SKAP2: variants seen among roughly 807,000 people sequenced by gnomAD.
SKAP2 encodes the protein src kinase-associated phosphoprotein 2.
SKAP2 carries 28 observed loss-of-function variants against 54.9 expected under a neutral mutation model. That is an observed-to-expected ratio of 0.51 (90% CI 0.38 to 0.70). SKAP2 has a LOEUF of 0.70. Ranked by LOEUF, SKAP2 falls within the 30% of genes least tolerant of loss-of-function variation. The pLI is 0.00. For synonymous variants in SKAP2, 137 were observed against 134.3 expected (o/e 1.02, Z -0.14); for missense variants, 356 against 424.1 (o/e 0.84, Z 1.41).
chr7:26,840,900 G>A (rs73280748), intron 4 of SKAP2, among the ~76,000 whole-genome samples: 2,577 of 152,080 alleles, frequency 0.017, 87 homozygotes, highest in African/African-American at 0.057. Flanking sequence ...GTCTCAAAAT[G>A]TAGTTCTTCT....
chr7:26,664,188 C>T (rs1219763669), downstream of SKAP2, among the ~76,000 whole-genome samples: 1 of 152,160 alleles, frequency 6.6e-6, no homozygotes, highest in Admixed American at 6.6e-5. Flanking sequence ...AGGTAACTCA[C>T]TACCCTAAGG....
chr7:26,689,355 C>T (rs1029582555), intron 10 of SKAP2, among the ~76,000 whole-genome samples: 2 of 152,120 alleles, frequency 1.3e-5, no homozygotes, highest in Non-Finnish European at 2.9e-5. Context: ...TCTCTTCTTT[C>T]CGTGTAAAAT....
intron 1 of SKAP2, among the ~76,000 whole-genome samples, chr7:26,863,983 G>T (rs1255423575): frequency 6.6e-6 from 1 of 150,722 alleles, no homozygotes; most frequent in Non-Finnish European, 1.5e-5. Context: ...GCTCCCTTCT[G>T]CTTGCTCACG....
intron 4 of SKAP2, among the ~76,000 whole-genome samples, chr7:26,769,365 T>C (rs1319149487): frequency 6.6e-6 from 1 of 152,216 alleles, no homozygotes; most frequent in Non-Finnish European, 1.5e-5. Flanking sequence ...TAACCTTTTA[T>C]CAAGGTTCTC....
chr7:26,836,915 T>C (rs995788557), intron 4 of SKAP2, among the ~76,000 whole-genome samples: 4 of 152,194 alleles, frequency 2.6e-5, no homozygotes, highest in East Asian at 1.9e-4. Flanking sequence ...CTGTTCACAA[T>C]AGCAAAGACT....
intron 9 of SKAP2, among the ~76,000 whole-genome samples, chr7:26,717,754 C>T (rs1382074164): frequency 6.6e-6 from 1 of 150,922 alleles, no homozygotes; most frequent in Non-Finnish European, 1.5e-5. Context: ...ATCACTTGAA[C>T]CTCGGGGGTA....
chr7:26,740,586 A>C (rs1782420241), intron 4 of SKAP2, among the ~76,000 whole-genome samples: 1 of 152,232 alleles, frequency 6.6e-6, no homozygotes, highest in African/African-American at 2.4e-5. Flanking sequence ...AAAGTTTTTA[A>C]ATCAAGCAAA....
intron 9 of SKAP2, among the ~76,000 whole-genome samples, chr7:26,711,950 GAATCAGGAGTAACTGGCAACTGACCA>G (rs1787317598): frequency 6.6e-6 from 1 of 152,150 alleles, no homozygotes; most frequent in Non-Finnish European, 1.5e-5. Context: ...TTTAGTGGCA[GAATCAGGAGTAACTGGCAACTGACCA>G]AATTAGGAGA....
intron 10 of SKAP2, among the ~76,000 whole-genome samples, chr7:26,687,439 T>C (rs1037199320): frequency 2.6e-5 from 4 of 151,994 alleles, no homozygotes; most frequent in African/African-American, 9.7e-5. Flanking sequence ...TAAAGAATAA[T>C]TTGTTTATGT....
chr7:26,830,986 T>C (rs187156993), intron 4 of SKAP2, among the ~76,000 whole-genome samples: 5 of 152,304 alleles, frequency 3.3e-5, no homozygotes, highest in Non-Finnish European at 5.9e-5. Flanking sequence ...CATTATACCA[T>C]TCAGTTCTTG....
chr7:26,753,832 A>G (rs1164833359), intron 4 of SKAP2, among the ~76,000 whole-genome samples: 1 of 152,190 alleles, frequency 6.6e-6, no homozygotes, highest in Non-Finnish European at 1.5e-5. Context: ...AAGAGATTCA[A>G]GAAACCAATG....
intron 4 of SKAP2, 92 bp downstream of exon 4, chr7:26,843,938 C>T: frequency 1.3e-6 from 1 of 788,978 alleles, no homozygotes; most frequent in Non-Finnish European, 2.1e-6. Context: ...ACCGAAGCCT[C>T]TATGTTCATC....
intron 4 of SKAP2, among the ~76,000 whole-genome samples, chr7:26,784,432 TTTC>T (rs1241308330): frequency 1.3e-5 from 2 of 152,202 alleles, no homozygotes; most frequent in Non-Finnish European, 2.9e-5. Context: ...CAAATTAGGC[TTTC>T]TTCTTCTGTG....
intron 4 of SKAP2, among the ~76,000 whole-genome samples, chr7:26,831,103 A>G (rs1159091626): frequency 6.6e-6 from 1 of 152,162 alleles, no homozygotes; most frequent in Non-Finnish European, 1.5e-5. Context: ...CTTCTAATGC[A>G]GTCCAAACTC....
In SKAP2 at chr7:26,861,336, T is replaced by G. The variant is rs552998408; in HGVS notation, c.67+3027A>C. On this transcript the variant is annotated intron_variant, in intron 1 of 12. Coordinates refer to ENST00000345317, the MANE Select transcript of SKAP2 (RefSeq NM_003930.5). ...ATGGACAAGATTTGGGATTGTCCTT[T>G]GATTTCAATTATCCAGGCTAAACCT... Among the ~76,000 whole-genome samples the G allele has an allele frequency of 8.5e-5, 13 of 152,248 alleles. No homozygotes were observed. The South Asian group carries it at 2.7e-3, about 32-fold the overall frequency.
At chr7:26,691,056 C>G (rs1489485487) in intron 9 of SKAP2, among the ~76,000 whole-genome samples, 1 of 152,016 alleles carries the variant, frequency 6.6e-6, no homozygotes, top group African/African-American at 2.4e-5. Flanking sequence ...ATTTTTAATC[C>G]TCATTCTACA....
intron 4 of SKAP2, among the ~76,000 whole-genome samples, chr7:26,759,389 T>C (rs530394650): frequency 6.6e-6 from 1 of 152,330 alleles, no homozygotes; most frequent in Admixed American, 6.5e-5. Flanking sequence ...AAGCAGCAGC[T>C]AATCCTTTGT....
chr7:26,812,853 A>G (rs561865560), intron 4 of SKAP2, among the ~76,000 whole-genome samples: 26 of 150,874 alleles, frequency 1.7e-4, no homozygotes, highest in Non-Finnish European at 2.2e-4. Context: ...GAAAAAAAAA[A>G]GCCTGTTTTT....
At chr7:26,795,714 C>T (rs1223472865) in intron 4 of SKAP2, among the ~76,000 whole-genome samples, 1 of 152,162 alleles carries the variant, frequency 6.6e-6, no homozygotes, top group African/African-American at 2.4e-5. Flanking sequence ...GGGAAGCAGG[C>T]ACCTATGAAG....
Sources: gnomAD v4.1 joint callset for allele counts (sites outside exome capture counted in the v4.1 genomes callset) on GRCh38, gnomAD v4.1.1 for gene constraint, MANE v1.5 for transcripts, NCBI Gene and HGNC (gene_info 2026-07-23, HGNC 2026-07-21) for gene names.